The following AHCTF1 variants were observed in gnomAD, a reference collection of about 807,000 sequenced individuals.
AHCTF1 encodes AT-hook containing transcription factor 1.
Under a neutral mutation model 248.4 loss-of-function variants are expected in AHCTF1, and 24 were observed. The ratio of observed to expected loss-of-function variants is 0.10; its 90% CI spans 0.07 to 0.14. The LOEUF (loss-of-function observed/expected upper bound fraction) is 0.14. AHCTF1 is among the 10% of genes least tolerant of loss of function. AHCTF1 has a pLI of 1.00. For synonymous variants in AHCTF1, 786 were observed against 929.8 expected (o/e 0.85, Z 2.81); for missense variants, 2,206 against 2,636.2 (o/e 0.84, Z 3.57).
chr1:246,908,654 A>G (rs377764344), intron 4 of AHCTF1, among the ~76,000 whole-genome samples: 4 of 151,430 alleles, frequency 2.6e-5, no homozygotes, highest in African/African-American at 9.7e-5. Flanking sequence ...TTGGAAGGCC[A>G]AGGTGGGCGG....
chr1:246,849,486 A>C (rs1660533220), intron 33 of AHCTF1, 129 bp downstream of exon 33: 15 of 1,184,714 alleles, frequency 1.3e-5, no homozygotes, highest in Non-Finnish European at 1.8e-5. Flanking sequence ...TTTACTACTA[A>C]AAGATCAATT....
rs1659919349 is a variant in AHCTF1 at position 246,842,181 on chromosome 1, G to A, written c.6608+513C>T. 3.9e-5 allele frequency among the ~76,000 whole-genome samples: 6 copies of A among 152,162 alleles called. No individual in the cohort carries two copies. The South Asian group carries it at 1.2e-3, about 32-fold the overall frequency. ...AGCAGTGAAATCTAACAATGCCAGG[G>A]AGCCAGTGCTTGTAAATGCCCGATA... On this transcript the variant is annotated intron_variant, in intron 35 of 35. Coordinates refer to ENST00000648844, the MANE Select transcript of AHCTF1 (RefSeq NM_001323342.2).
At position 246,907,622 on chromosome 1, in the gene AHCTF1, C is replaced by T. The variant is rs373718195; in HGVS notation, c.693G>A (p.Arg231=). ...TAVSTLSYIS[R]TNQLAVGFSD... is the part of the protein sequence containing the mutation. The stretch of plus-strand genomic sequence containing the variant: ...AAAAACCTACAGCAAGCTGATTTGT[C>T]CTGCTTATGTAACTAAGAGTTGAAA... Residue 231 remains arginine (R), a synonymous_variant, in exon 5 of 36, where the codon AGG becomes AGA. Transcript: ENST00000648844. 1.3e-4 allele frequency: 214 copies of T among 1,613,702 alleles called. No homozygotes were observed. The highest frequency in any genetic ancestry group is 1.8e-4 in the Non-Finnish European group (209 of 1,179,804).
At position 246,845,512 on chromosome 1, in the gene AHCTF1, G is replaced by A. The variant is rs145203002; in HGVS notation, c.6392-1584C>T. 2.8e-4 allele frequency among the ~76,000 whole-genome samples: 43 copies of A among 152,258 alleles called. No individual in the cohort carries two copies. The East Asian group carries it at 7.1e-3, about 25-fold the overall frequency. On this transcript the variant is annotated intron_variant, in intron 33 of 35. Transcript: ENST00000648844. ...AACAGATGAACAAAAGTATTTCTAC[G>A]AAAATTATACATTCTATAACTCTCT...
chr1:246,894,417 C>CA (rs776981157), intron 14 of AHCTF1, among the ~76,000 whole-genome samples: 240 of 151,998 alleles, frequency 1.6e-3, no homozygotes, highest in Middle Eastern at 3.4e-3. Flanking sequence ...CTAAAAAATA[C>CA]AAAAAAATTA....
At chr1:246,920,510 G>A (rs997365123) in intron 1 of AHCTF1, among the ~76,000 whole-genome samples, 1 of 152,138 alleles carries the variant, frequency 6.6e-6, no homozygotes. Flanking sequence ...GGTGGCTCAC[G>A]CCTGTAACCC....
chr1:246,859,968 T>C (rs1375694938), intron 29 of AHCTF1, among the ~76,000 whole-genome samples: 3 of 152,120 alleles, frequency 2.0e-5, no homozygotes, highest in East Asian at 3.9e-4. Flanking sequence ...AAGTTAAAAA[T>C]TGCAATAATT....
intron 11 of AHCTF1, among the ~76,000 whole-genome samples, chr1:246,898,900 C>A (rs558355086): frequency 3.3e-5 from 5 of 152,130 alleles, no homozygotes; most frequent in Non-Finnish European, 5.9e-5. Context: ...CCAGCCTGGC[C>A]AACATGGTGA....
At chr1:246,881,993 CTTTTTTTTTTGT>C (rs1468815029) in intron 21 of AHCTF1, among the ~76,000 whole-genome samples, 4 of 135,590 alleles carry the variant, frequency 3.0e-5, no homozygotes, top group African/African-American at 5.5e-5. Context: ...ATTATTATTA[CTTTTTTTTTTGT>C]TTTTTTTTTT....
At position 246,898,199 on chromosome 1, in the gene AHCTF1, T is replaced by C. The variant is rs1558258679; in HGVS notation, c.1623+9A>G. ...CCAAAAGAAACAATAGAGTTAAAAA[T>C]CATCTCACTTGGCTTAAACTGGAAG... On this transcript the variant is annotated intron_variant, in intron 12 of 35. Coordinates refer to ENST00000648844, the MANE Select transcript of AHCTF1 (RefSeq NM_001323342.2). The C allele has an allele frequency of 6.2e-7, 1 of 1,611,670 alleles. No individual in the cohort carries two copies. Among genetic ancestry groups the C allele is most frequent in the East Asian group, 2.2e-5 (1 of 44,846 alleles).
rs11801219 is a variant in AHCTF1 at position 246,865,259 on chromosome 1, G to C, written c.3348-1143C>G. On this transcript the variant is annotated intron_variant, in intron 26 of 35. Coordinates refer to ENST00000648844, the MANE Select transcript of AHCTF1 (RefSeq NM_001323342.2). Reference sequence around the variant, plus strand: ...CCAAATGCCAAAGTGGCTCACCTGAGAATAACCAGAAAAGGAGAGTATGCT... The same window carrying C: ...CCAAATGCCAAAGTGGCTCACCTGACAATAACCAGAAAAGGAGAGTATGCT... 486 of 152,230 alleles carry C rather than the reference G, an allele frequency of 3.2e-3. 2 individuals carry two copies. Among genetic ancestry groups the C allele is most frequent in the African/African-American group, 0.011 (442 of 41,518 alleles). The allele number at this position is 152,230 out of a possible 1,614,324, so 9.4% of individuals were successfully genotyped here. A position where few individuals can be genotyped will look rare whatever the true frequency, so the allele number is the denominator to read the frequency against.
intron 21 of AHCTF1, 127 bp from the exon 22 acceptor site, chr1:246,877,429 T>TA: frequency 9.3e-7 from 1 of 1,071,024 alleles, no homozygotes; most frequent in Non-Finnish European, 1.3e-6. Context: ...AAAAGTACTT[T>TA]AAAAATTTGT....
At chr1:246,888,613 T>C (rs1447484814) in intron 17 of AHCTF1, 96 bp from the exon 18 acceptor site, 1 of 1,417,612 alleles carries the variant, frequency 7.1e-7, no homozygotes, top group East Asian at 2.5e-5. Context: ...ATCCCAACTA[T>C]CAAAGAGAGA....
intron 24 of AHCTF1, among the ~76,000 whole-genome samples, chr1:246,868,611 T>TAAAAAA (rs36102148): frequency 1.5e-5 from 2 of 132,638 alleles, no homozygotes; most frequent in African/African-American, 2.7e-5. Context: ...TGGTAAGTGG[T>TAAAAAA]AAAAAAAAAA....
Position 246,851,388 on chromosome 1 carries a change from G to T in AHCTF1, c.4618C>A (p.Leu1540Ile). 1 of 1,613,808 alleles carries T rather than the reference G, an allele frequency of 6.2e-7. No homozygotes were observed. The highest frequency in any genetic ancestry group is 1.3e-5 in the African/African-American group (1 of 75,038). The change falls in exon 33 of 36, where the codon CTT becomes ATT. Residue 1540 changes from leucine to isoleucine, a missense_variant. Transcript: ENST00000648844. Reference protein sequence around the residue: ...AQDSGEEARNLSFNELYPSGT... With the variant: ...AQDSGEEARNISFNELYPSGT... ...GAGGGATATAACTCATTAAATGAAA[G>T]ATTCCTAGCCTCTTCTCCTGAATCT...
intron 19 of AHCTF1, among the ~76,000 whole-genome samples, 188 bp downstream of exon 19, chr1:246,887,989 T>C (rs1456701633): frequency 6.6e-6 from 1 of 152,090 alleles, no homozygotes; most frequent in Non-Finnish European, 1.5e-5. Context: ...AAAAACAAAA[T>C]TTTTCATATA....
chr1:246,909,394 CAAAAAAAAAAAA>C (rs55998210), intron 4 of AHCTF1, among the ~76,000 whole-genome samples: 5 of 62,380 alleles, frequency 8.0e-5, no homozygotes, highest in South Asian at 6.4e-4. Context: ...TCCAGCCTCT[CAAAAAAAAAAAA>C]AAAAAAAAAA....
chr1:246,903,356 G>A (rs911009010), intron 7 of AHCTF1, among the ~76,000 whole-genome samples: 1 of 152,098 alleles, frequency 6.6e-6, no homozygotes, highest in African/African-American at 2.4e-5. Flanking sequence ...GCAACAAAGT[G>A]GAATTATTTT....
intron 24 of AHCTF1, among the ~76,000 whole-genome samples, chr1:246,869,118 C>T (rs1263546744): frequency 6.6e-6 from 1 of 151,968 alleles, no homozygotes; most frequent in Non-Finnish European, 1.5e-5. Flanking sequence ...TGCTGGATTA[C>T]AGGCGTGAGC....
Sources: allele counts gnomAD v4.1 joint callset (sites outside exome capture counted in the v4.1 genomes callset), GRCh38; gene constraint gnomAD v4.1.1; transcripts MANE v1.5; gene names NCBI Gene and HGNC (gene_info 2026-07-23, HGNC 2026-07-21).